Variants in SLC6A19 observed in about 807,000 individuals in gnomAD.
SLC6A19 encodes sodium-dependent neutral amino acid transporter B(0)AT1.
Under a neutral mutation model 68.3 loss-of-function variants are expected in SLC6A19, and 67 were observed. That is an observed-to-expected ratio of 0.98 (90% CI 0.81 to 1.20). The LOEUF is 1.20. SLC6A19 is among the 50% of genes most tolerant of loss of function. The probability of loss-of-function intolerance (pLI) is 0.00; values close to 1 mark genes in which losing one functional copy is unlikely to be tolerated. For missense variants in SLC6A19, 813 were observed against 851.6 expected (o/e 0.95, Z 0.56); for synonymous variants, 392 against 374.9 (o/e 1.05, Z -0.53).
Position 1,201,837 on chromosome 5 carries a change from C to T in SLC6A19, c.187C>T (p.Gln63Ter). Reference protein sequence around the residue: ...GNVWRFPYLCQSHGGGAFMIP... With the variant: ...GNVWRFPYLC ...CGTGTGGCGCTTCCCCTACCTGTGT[C>T]AGAGCCACGGAGGAGGTAGGCTGGC... The change falls in exon 1 of 12, where the codon CAG becomes TAG. Residue 63 changes from glutamine to a stop codon, truncating the protein, a stop_gained. Transcript: ENST00000304460. LOFTEE classifies it high-confidence loss of function. 1 of 1,611,282 alleles carries T rather than the reference C, an allele frequency of 6.2e-7. No homozygotes were observed. The highest frequency in any genetic ancestry group is 1.7e-5 in the Admixed American group (1 of 60,006).
At chr5:1,210,232 C>A (rs1483838918) in intron 2 of SLC6A19, among the ~76,000 whole-genome samples, 1 of 152,166 alleles carries the variant, frequency 6.6e-6, no homozygotes, top group Non-Finnish European at 1.5e-5. Context: ...CAGGCGTGTG[C>A]CAGGAAGGTG....
At chr5:1,203,669 G>T (rs921230923) in intron 1 of SLC6A19, among the ~76,000 whole-genome samples, 11 of 152,260 alleles carry the variant, frequency 7.2e-5, no homozygotes, top group African/African-American at 2.7e-4. Flanking sequence ...CAGGGTTCTG[G>T]CAGTCGCCCC....
Position 1,212,391 on chromosome 5 carries a change from G to A in SLC6A19, c.570G>A (p.Ser190=), listed in dbSNP as rs766491340. 12 of 1,613,238 alleles carry A rather than the reference G, an allele frequency of 7.4e-6. No individual in the cohort carries two copies. The South Asian group carries it at 8.8e-5, about 12-fold the overall frequency. Residue 190 remains serine, a synonymous_variant, in exon 4 of 12, where the codon TCG becomes TCA. Coordinates refer to ENST00000304460, the MANE Select transcript of SLC6A19 (RefSeq NM_001003841.3). This position sits in a 1 kb window ranked among gnomAD's most constrained non-coding sequence, Gnocchi z 5.1. ...TLNISTSISD[S]GSIQWWMLLC... ...ACATCTCCACGTCCATCAGCGACTC[G>A]GGCTCCATCCAGTGGTGGATGCTGC...
rs1746162727 is a variant in SLC6A19, at chr5:1,214,849, C to CA, written c.887+784_887+785insA. Among the ~76,000 whole-genome samples, 1 of 13,150 alleles carries CA rather than the reference C, an allele frequency of 7.6e-5. No homozygotes were observed. Among genetic ancestry groups the CA allele is most frequent in the Admixed American group, 1.1e-3 (1 of 872 alleles). 8.6% of individuals were successfully genotyped at this position (13,150 alleles called of 152,430 possible). ...TAGGGAGGGTGGGGCCTAGACTGGACGGGGGCCTGGGTAGGGAGGGTGGGC... is the reference window on the plus strand; with the variant it reads ...TAGGGAGGGTGGGGCCTAGACTGGACAGGGGGCCTGGGTAGGGAGGGTGGGC... On this transcript the variant is annotated intron_variant, in intron 6 of 11. Transcript: ENST00000304460. The surrounding 1 kb of genome is among the most constrained non-coding windows in gnomAD (Gnocchi z 7.4).
At position 1,223,264 on chromosome 5, in the gene SLC6A19, T is replaced by C. The variant is rs531409173; in HGVS notation, c.*1360T>C. 8.5e-5 allele frequency: 13 copies of C among 152,400 alleles called. No homozygotes were observed. The highest frequency in any genetic ancestry group is 2.9e-4 in the African/African-American group (12 of 41,596). 9.4% of individuals were successfully genotyped at this position (152,400 alleles called of 1,614,324 possible). On this transcript the variant is annotated 3_prime_UTR_variant, in exon 12 of 12. Coordinates refer to ENST00000304460, the MANE Select transcript of SLC6A19 (RefSeq NM_001003841.3). ...TAAATAAAACTCAACTTGGCATAAT[T>C]CAAGGCAAATACCACTCTGTGCATT...
chr5:1,207,684 TCAAA>T (rs1745894588), intron 1 of SLC6A19, among the ~76,000 whole-genome samples: 1 of 152,188 alleles, frequency 6.6e-6, no homozygotes, highest in Non-Finnish European at 1.5e-5. Context: ...AAACCAACTT[TCAAA>T]CAAACAACTC....
rs1376502213 is a variant in SLC6A19 at position 1,212,604 on chromosome 5, G to T, written c.663+120G>T. 1.5e-6 allele frequency: 2 copies of T among 1,308,326 alleles called. No homozygotes were observed. The highest frequency in any genetic ancestry group is 1.9e-5 in the Admixed American group (1 of 51,286). The allele number at this position is 1,308,326 out of a possible 1,614,324, so 81.0% of individuals were successfully genotyped here. On this transcript the variant is annotated intron_variant, in intron 4 of 11. Coordinates refer to ENST00000304460, the MANE Select transcript of SLC6A19 (RefSeq NM_001003841.3). The surrounding 1 kb of genome is among the most constrained non-coding windows in gnomAD (Gnocchi z 5.1). ...GGGTCCCGGGCTCTGCCTTTCCCCA[G>T]ACCCCACCAAGAGAGCTGCCTTTGC... is the stretch of plus-strand genomic sequence containing the variant.
intron 10 of SLC6A19, 57 bp downstream of exon 10, chr5:1,219,721 G>C: frequency 6.3e-7 from 1 of 1,594,276 alleles, no homozygotes; most frequent in East Asian, 2.2e-5. Context: ...GTCACAGGGC[G>C]TTCCTGTGAG....
Position 1,209,868 on chromosome 5 carries a change from C to T in SLC6A19, c.344-576C>T, listed in dbSNP as rs961933422. Among the ~76,000 whole-genome samples, 10 of 152,206 alleles carry T rather than the reference C, an allele frequency of 6.6e-5. No homozygotes were observed. The highest frequency in any genetic ancestry group is 2.9e-5 in the Non-Finnish European group (2 of 68,042). ...TTTTGAGTTTGAAACTTCAGTAAAG[C>T]ATGTACTACATAGCACACTTTCCAT... On this transcript the variant is annotated intron_variant, in intron 2 of 11. Transcript: ENST00000304460. The surrounding 1 kb of genome is among the most constrained non-coding windows in gnomAD (Gnocchi z 5.5).
At position 1,212,772 on chromosome 5, in the gene SLC6A19, A is replaced by G. The variant is rs1746080235; in HGVS notation, c.663+288A>G. On this transcript the variant is annotated intron_variant, in intron 4 of 11. Transcript: ENST00000304460. This position sits in a 1 kb window ranked among gnomAD's most constrained non-coding sequence, Gnocchi z 5.1. Reference sequence around the variant, plus strand: ...GAGTAATACAAACTACCAGAAAGAGATAGACGATGATGATGATGATGGTGA... The same window carrying G: ...GAGTAATACAAACTACCAGAAAGAGGTAGACGATGATGATGATGATGGTGA... Among the ~76,000 whole-genome samples the G allele has an allele frequency of 2.0e-5, 3 of 152,140 alleles. No individual in the cohort carries two copies. The South Asian group carries it at 6.2e-4, about 31-fold the overall frequency.
chr5:1,221,000 C>G, intron 10 of SLC6A19, 151 bp from the exon 11 acceptor site: 1 of 933,362 alleles, frequency 1.1e-6, no homozygotes, highest in South Asian at 1.6e-5. Context: ...TGAGGAGGCA[C>G]CCATGACCAG....
intron 1 of SLC6A19, among the ~76,000 whole-genome samples, chr5:1,203,226 A>C (rs13179966): frequency 0.34 from 51,218 of 152,056 alleles, 9,110 homozygotes; most frequent in Non-Finnish European, 0.41. Context: ...TTGTCTTTGC[A>C]CAGAAGGGCA....
rs987426673 is a variant in SLC6A19, at chr5:1,215,730, C to T, written c.888-828C>T. On this transcript the variant is annotated intron_variant, in intron 6 of 11. Coordinates refer to ENST00000304460, the MANE Select transcript of SLC6A19 (RefSeq NM_001003841.3). This position sits in a 1 kb window ranked among gnomAD's most constrained non-coding sequence, Gnocchi z 5.1. Reference sequence around the variant, plus strand: ...ACGCGTTTTTGTGGACGCATGCTTTCGTTCTTCTGGGTGTGCGCCTAGGAG... The same window carrying T: ...ACGCGTTTTTGTGGACGCATGCTTTTGTTCTTCTGGGTGTGCGCCTAGGAG... Among the ~76,000 whole-genome samples the T allele has an allele frequency of 1.3e-5, 2 of 152,308 alleles. No homozygotes were observed. Among genetic ancestry groups the T allele is most frequent in the Admixed American group, 6.5e-5 (1 of 15,294 alleles).
intron 8 of SLC6A19, 49 bp from the exon 9 acceptor site, chr5:1,218,854 G>C (rs573786926): frequency 1.3e-6 from 2 of 1,591,710 alleles, no homozygotes; most frequent in Non-Finnish European, 1.7e-6. Flanking sequence ...GGGAGGAGAC[G>C]GAGCCCACGG....
At position 1,222,105 on chromosome 5, in the gene SLC6A19, G is replaced by C. The variant is rs545511512; in HGVS notation, c.*201G>C. 4.2e-4 allele frequency: 266 copies of C among 634,280 alleles called. 6 individuals are homozygous for C. In the South Asian group the frequency reaches 4.7e-3, roughly 11 times the overall value. The allele number at this position is 634,280 out of a possible 1,614,324, so 39.3% of individuals were successfully genotyped here. A position where few individuals can be genotyped will look rare whatever the true frequency, so the allele number is the denominator to read the frequency against. ...ATGTACATGCATGGGCACTGTGTGA[G>C]TGTGCACGTGTATGCACACATATAC... On this transcript the variant is annotated 3_prime_UTR_variant, in exon 12 of 12. Transcript: ENST00000304460.
intron 2 of SLC6A19, among the ~76,000 whole-genome samples, chr5:1,210,052 C>T (rs1035858871): frequency 2.6e-5 from 4 of 152,248 alleles, no homozygotes; most frequent in Non-Finnish European, 5.9e-5. Context: ...AGTGGGCAGT[C>T]CCCCAGCCCG....
intron 1 of SLC6A19, among the ~76,000 whole-genome samples, chr5:1,206,166 A>G (rs1745845039): frequency 6.6e-6 from 1 of 152,234 alleles, no homozygotes; most frequent in Non-Finnish European, 1.5e-5. Flanking sequence ...GAGAGGGAGC[A>G]GTGAGAGAGG....
rs185846224 is a variant in SLC6A19, at chr5:1,204,806, C to T, written c.202+2954C>T. 1.2e-4 allele frequency among the ~76,000 whole-genome samples: 19 copies of T among 152,364 alleles called. No individual in the cohort carries two copies. The East Asian group carries it at 3.7e-3, about 29-fold the overall frequency. ...TTCCAGCTGTCTCTTCTTTGCTGCT[C>T]AACGCCTGGCCCCGGGGTCAGCTTT... On this transcript the variant is annotated intron_variant, in intron 1 of 11. Transcript: ENST00000304460.
In SLC6A19 at chr5:1,222,548, T is replaced by C. The variant is rs1039001302; in HGVS notation, c.*644T>C. On this transcript the variant is annotated 3_prime_UTR_variant, in exon 12 of 12. Transcript: ENST00000304460. Reference sequence around the variant, plus strand: ...ATGTGTACGTGTGTGTATACGTGTGTTGTGTATATGTGTGTGTCTGTACCT... The same window carrying C: ...ATGTGTACGTGTGTGTATACGTGTGCTGTGTATATGTGTGTGTCTGTACCT... The C allele has an allele frequency of 2.6e-6, 1 of 388,518 alleles. No individual in the cohort carries two copies. The highest frequency in any genetic ancestry group is 2.1e-5 in the African/African-American group (1 of 48,762). The allele number at this position is 388,518 out of a possible 1,614,324, so 24.1% of individuals were successfully genotyped here.
Sources: allele counts gnomAD v4.1 joint callset (sites outside exome capture counted in the v4.1 genomes callset), GRCh38; gene constraint gnomAD v4.1.1; non-coding constraint Gnocchi (gnomAD v3.1); transcripts MANE v1.5; gene names NCBI Gene and HGNC (gene_info 2026-07-23, HGNC 2026-07-21).